PDE4B: variants seen among roughly 807,000 people sequenced by gnomAD.
The protein encoded by PDE4B is phosphodiesterase 4B, also known as 3',5'-cyclic-AMP phosphodiesterase 4B.
PDE4B carries 20 observed loss-of-function variants against 82.2 expected under a neutral mutation model. That is an observed-to-expected ratio of 0.24 (90% CI 0.17 to 0.35). PDE4B has a LOEUF of 0.35. PDE4B is among the 10% of genes least tolerant of loss of function. PDE4B has a pLI of 1.00. For missense variants in PDE4B, 655 were observed against 907.2 expected (o/e 0.72, Z 3.57); for synonymous variants, 320 against 318.9 (o/e 1.00, Z -0.04).
Position 65,978,109 on chromosome 1 carries a change from C to T in PDE4B, c.281+59274C>T, listed in dbSNP as rs1284541339. Reference sequence around the variant, plus strand: ...ATGGTGCGGTCTCAGCTCACTGCAACGTCCGCCTCCCAGGTTCAAGTGATT... The same window carrying T: ...ATGGTGCGGTCTCAGCTCACTGCAATGTCCGCCTCCCAGGTTCAAGTGATT... On this transcript the variant is annotated intron_variant, in intron 3 of 16. Coordinates refer to ENST00000341517, the MANE Select transcript of PDE4B (RefSeq NM_002600.4). Among the ~76,000 whole-genome samples, 5 of 148,434 alleles carry T rather than the reference C, an allele frequency of 3.4e-5. No homozygotes were observed. The East Asian group carries it at 7.9e-4, about 23-fold the overall frequency.
chr1:66,132,591 A>C (rs1332469660), intron 3 of PDE4B, among the ~76,000 whole-genome samples: 1 of 152,170 alleles, frequency 6.6e-6, no homozygotes, highest in African/African-American at 2.4e-5. Context: ...TTAAAGAGAC[A>C]AATAATTGTT....
chr1:65,792,854 G>A (rs533359020), upstream of PDE4B, among the ~76,000 whole-genome samples: 9 of 152,036 alleles, frequency 5.9e-5, no homozygotes, highest in African/African-American at 1.9e-4. Context: ...TCTCTTCCGG[G>A]GGGCGGGGGT....
chr1:66,148,420 G>T lies in PDE4B; in HGVS notation c.282-99040G>T, dbSNP rs187557699. The stretch of plus-strand genomic sequence containing the variant: ...TTGAAGGATGCTGAAAGCTTTCTAT[G>T]CCGATTCTATTTCACACAATAATGT... On this transcript the variant is annotated intron_variant, in intron 3 of 16. Coordinates refer to ENST00000341517, the MANE Select transcript of PDE4B (RefSeq NM_002600.4). Among the ~76,000 whole-genome samples, 85 of 152,128 alleles carry T rather than the reference G, an allele frequency of 5.6e-4. 1 individual carries two copies. The highest frequency in any genetic ancestry group is 2.0e-3 in the African/African-American group (82 of 41,500).
chr1:66,310,069 G>C (rs1557693100), intron 7 of PDE4B, among the ~76,000 whole-genome samples: 1 of 152,114 alleles, frequency 6.6e-6, no homozygotes, highest in Non-Finnish European at 1.5e-5. Context: ...CAGGTGTCAA[G>C]GGAGCCTCAT....
chr1:66,262,276 T>C (rs962997577), intron 6 of PDE4B, among the ~76,000 whole-genome samples: 1 of 152,190 alleles, frequency 6.6e-6, no homozygotes, highest in South Asian at 2.1e-4. Context: ...TGAAGCAACA[T>C]AGGTAAAACT....
At chr1:66,206,728 G>C (rs1486742947) in intron 3 of PDE4B, among the ~76,000 whole-genome samples, 1 of 152,168 alleles carries the variant, frequency 6.6e-6, no homozygotes, top group Non-Finnish European at 1.5e-5. Context: ...TGTGGCTTGA[G>C]TGGACGTGGG....
intron 3 of PDE4B, among the ~76,000 whole-genome samples, chr1:66,088,154 G>C (rs1644934927): frequency 6.6e-6 from 1 of 151,586 alleles, no homozygotes; most frequent in Non-Finnish European, 1.5e-5. Flanking sequence ...GTGATTGCCT[G>C]TGTGAAGCAG....
chr1:65,857,537 A>G (rs1453767129), intron 1 of PDE4B, among the ~76,000 whole-genome samples: 1 of 152,196 alleles, frequency 6.6e-6, no homozygotes, highest in Non-Finnish European at 1.5e-5. Flanking sequence ...AAAATAAAAA[A>G]CAAACCAGGT....
intron 3 of PDE4B, among the ~76,000 whole-genome samples, chr1:65,990,609 C>G (rs548442728): frequency 2.6e-5 from 4 of 152,060 alleles, no homozygotes; most frequent in Admixed American, 1.3e-4. Context: ...TCAAATAGGG[C>G]AGTTAAAATA....
chr1:65,963,374 C>A (rs765559009), intron 3 of PDE4B, among the ~76,000 whole-genome samples: 5 of 152,176 alleles, frequency 3.3e-5, no homozygotes, highest in African/African-American at 7.2e-5. Flanking sequence ...GCATGCCCAG[C>A]ACAGCGAGGA....
chr1:66,228,618 G>A (rs1247324770), intron 3 of PDE4B, among the ~76,000 whole-genome samples: 13 of 138,616 alleles, frequency 9.4e-5, no homozygotes, highest in African/African-American at 3.9e-4. Context: ...GACAGAGCAA[G>A]ACTCCGTTAA....
intron 13 of PDE4B, among the ~76,000 whole-genome samples, chr1:66,366,348 C>T (rs1194036844): frequency 6.6e-6 from 1 of 152,112 alleles, no homozygotes. Context: ...GGTGGTCTAG[C>T]CTTAGGATTC....
rs181711687 is a variant in PDE4B, at chr1:66,308,193, G to A, written c.635-24315G>A. 5.4e-3 allele frequency among the ~76,000 whole-genome samples: 824 copies of A among 152,198 alleles called. 11 individuals carry two copies. The highest frequency in any genetic ancestry group is 7.1e-3 in the Non-Finnish European group (485 of 67,986). ...AAATTGGGCAGATAAGGTAGCTGAG[G>A]TCAGATGAGGAATTTCAGAAATAGA... On this transcript the variant is annotated intron_variant, in intron 7 of 16. Coordinates refer to ENST00000341517, the MANE Select transcript of PDE4B (RefSeq NM_002600.4).
At chr1:66,319,253 C>A (rs562268998) in intron 7 of PDE4B, among the ~76,000 whole-genome samples, 39 of 152,274 alleles carry the variant, frequency 2.6e-4, no homozygotes, top group Non-Finnish European at 3.8e-4. Flanking sequence ...TTTCTTAGTC[C>A]TCTTCTCCTC....
intron 1 of PDE4B, among the ~76,000 whole-genome samples, chr1:65,897,589 G>A (rs781265972): frequency 1.3e-5 from 2 of 151,958 alleles, no homozygotes; most frequent in Non-Finnish European, 2.9e-5. Flanking sequence ...TGTGTATTTG[G>A]TTTTCTATTC....
chr1:66,161,277 AACAC>A (rs77927266), intron 3 of PDE4B, among the ~76,000 whole-genome samples: 16,740 of 149,696 alleles, frequency 0.11, 1,177 homozygotes, highest in Admixed American at 0.19. Flanking sequence ...GTCAAACCTG[AACAC>A]ACACACACAC....
intron 3 of PDE4B, among the ~76,000 whole-genome samples, chr1:66,217,341 G>A (rs1650544847): frequency 6.6e-6 from 1 of 152,112 alleles, no homozygotes; most frequent in South Asian, 2.1e-4. Flanking sequence ...GCAATGACTA[G>A]CAACAGTGGG....
intron 3 of PDE4B, among the ~76,000 whole-genome samples, chr1:66,116,588 G>A (rs1290372238): frequency 6.6e-6 from 1 of 152,114 alleles, no homozygotes; most frequent in Non-Finnish European, 1.5e-5. Context: ...CCCCATGCAA[G>A]ATCTTGCTCT....
At chr1:65,840,987 A>G (rs1646200297) in intron 1 of PDE4B, among the ~76,000 whole-genome samples, 1 of 152,180 alleles carries the variant, frequency 6.6e-6, no homozygotes. Flanking sequence ...TTATTTAACA[A>G]TATTCGAATG....
Sources: gnomAD v4.1 joint callset for allele counts (sites outside exome capture counted in the v4.1 genomes callset) on GRCh38, gnomAD v4.1.1 for gene constraint, MANE v1.5 for transcripts, NCBI Gene and HGNC (gene_info 2026-07-23, HGNC 2026-07-21) for gene names.